The following LRFN5 variants were observed in gnomAD, a reference collection of about 807,000 sequenced individuals.
LRFN5 encodes the protein leucine-rich repeat and fibronectin type-III domain-containing protein 5.
In LRFN5, 24 loss-of-function variants were observed where a neutral mutation model predicts 45.6. The observed-to-expected ratio is 0.53, with a 90% confidence interval of 0.38 to 0.74. The LOEUF is 0.74. LRFN5 is among the 30% of genes least tolerant of loss of function. The pLI is 0.00. For missense variants in LRFN5, 776 were observed against 861.5 expected (o/e 0.90, Z 1.24); for synonymous variants, 340 against 313.8 (o/e 1.08, Z -0.88).
At position 41,716,431 on chromosome 14, in the gene LRFN5, T is replaced by C. The variant is rs138834038; in HGVS notation, c.-196-50423T>C. 9.8e-3 allele frequency among the ~76,000 whole-genome samples: 1,499 copies of C among 152,298 alleles called. 8 individuals are homozygous for C. Among genetic ancestry groups the C allele is most frequent in the East Asian group, 0.015 (79 of 5,178 alleles). On this transcript the variant is annotated intron_variant, in intron 1 of 5. Transcript: ENST00000298119. ...CCTTTAACAGCACACAAGTCACCTC[T>C]TCAGTGCTTTGCTGCTTAGAAATTT...
rs948663011 is a variant in LRFN5, at chr14:41,607,016, C to G, written c.-1743C>G. Among the ~76,000 whole-genome samples, 1 of 152,104 alleles carries G rather than the reference C, an allele frequency of 6.6e-6. No individual in the cohort carries two copies. The highest frequency in any genetic ancestry group is 2.4e-5 in the African/African-American group (1 of 41,444). ...CGGCCGCAGCCCCGGACCTCGGCTG[C>G]TTGCCTCGCGCCTGAACTGCGGACT... On this transcript the variant is annotated 5_prime_UTR_variant, in exon 1 of 6. Coordinates refer to ENST00000298119, the MANE Select transcript of LRFN5 (RefSeq NM_152447.5).
At chr14:41,848,231 A>C (rs569377101) in intron 2 of LRFN5, among the ~76,000 whole-genome samples, 1 of 152,102 alleles carries the variant, frequency 6.6e-6, no homozygotes, top group Non-Finnish European at 1.5e-5. Flanking sequence ...AATAAATAAT[A>C]ATAATAAAAA....
At chr14:41,674,804 G>A (rs1881516021) in intron 1 of LRFN5, among the ~76,000 whole-genome samples, 3 of 151,644 alleles carry the variant, frequency 2.0e-5, no homozygotes, top group Non-Finnish European at 4.4e-5. Flanking sequence ...TCACTTCTCA[G>A]AGGGGGCGGC....
intron 1 of LRFN5, among the ~76,000 whole-genome samples, chr14:41,610,502 C>T (rs903298989): frequency 6.6e-6 from 1 of 151,618 alleles, no homozygotes; most frequent in African/African-American, 2.4e-5. Context: ...TAACCTCCCT[C>T]TCCCACCTGG....
At chr14:41,703,317 C>CT (rs550492985) in intron 1 of LRFN5, among the ~76,000 whole-genome samples, 26 of 151,924 alleles carry the variant, frequency 1.7e-4, no homozygotes, top group South Asian at 8.3e-4. Flanking sequence ...TCAAAAATAG[C>CT]TTTTTTTTCT....
At chr14:41,659,753 G>C (rs141591015) in intron 1 of LRFN5, among the ~76,000 whole-genome samples, 10 of 152,032 alleles carry the variant, frequency 6.6e-5, no homozygotes, top group African/African-American at 2.2e-4. Flanking sequence ...TCTAACTGGC[G>C]TGAGATGATA....
intron 2 of LRFN5, among the ~76,000 whole-genome samples, chr14:41,811,102 G>A (rs995632906): frequency 6.6e-6 from 1 of 151,992 alleles, no homozygotes; most frequent in Non-Finnish European, 1.5e-5. Flanking sequence ...ATTTTAAAAG[G>A]TGCAAATAAT....
chr14:41,775,933 T>A (rs1368527838), intron 2 of LRFN5, among the ~76,000 whole-genome samples: 1 of 152,246 alleles, frequency 6.6e-6, no homozygotes, highest in African/African-American at 2.4e-5. Flanking sequence ...TGGTTCTAAA[T>A]GTAACAGCTA....
chr14:41,737,909 A>G (rs190718601), intron 1 of LRFN5, among the ~76,000 whole-genome samples: 3 of 152,324 alleles, frequency 2.0e-5, no homozygotes, highest in African/African-American at 2.4e-5. Context: ...ATATCATGTA[A>G]ATGGTCATAC....
At chr14:41,635,079 C>T (rs1879239197) in intron 1 of LRFN5, among the ~76,000 whole-genome samples, 1 of 151,858 alleles carries the variant, frequency 6.6e-6, no homozygotes, top group South Asian at 2.1e-4. Context: ...AAGTTGCTCT[C>T]AAATAACAAT....
At chr14:41,626,445 C>T (rs572132148) in intron 1 of LRFN5, among the ~76,000 whole-genome samples, 1 of 151,960 alleles carries the variant, frequency 6.6e-6, no homozygotes, top group Non-Finnish European at 1.5e-5. Flanking sequence ...GTGGGAAATA[C>T]CAAAAATACT....
At chr14:41,646,980 T>C (rs978138064) in intron 1 of LRFN5, among the ~76,000 whole-genome samples, 2 of 152,232 alleles carry the variant, frequency 1.3e-5, no homozygotes, top group African/African-American at 4.8e-5. Context: ...GAGAGTCCTT[T>C]TGTTTTCCAG....
rs189740466 is a variant in LRFN5 at position 41,627,896 on chromosome 14, C to T, written c.-197+19334C>T. ...CTTGAAATTGTATACATTTTTTTTT[C>T]TCTTGAGAAACAATGAAATGTACTT... On this transcript the variant is annotated intron_variant, in intron 1 of 5. Transcript: ENST00000298119. 8.7e-3 allele frequency among the ~76,000 whole-genome samples: 1,317 copies of T among 151,152 alleles called. 10 individuals carry two copies. The highest frequency in any genetic ancestry group is 0.014 in the Non-Finnish European group (963 of 67,706).
chr14:41,758,579 C>T (rs1885513475), intron 1 of LRFN5, among the ~76,000 whole-genome samples: 2 of 152,090 alleles, frequency 1.3e-5, no homozygotes, highest in Non-Finnish European at 2.9e-5. Flanking sequence ...TTCTTATGTC[C>T]TTTCTTAAGT....
In LRFN5 at chr14:41,854,489, A is replaced by G. The variant is rs750357621; in HGVS notation, c.-20-32117A>G. Among the ~76,000 whole-genome samples the G allele has an allele frequency of 7.9e-4, 120 of 152,124 alleles. 1 individual carries two copies. Among genetic ancestry groups the G allele is most frequent in the Non-Finnish European group, 2.4e-4 (16 of 68,024 alleles). ...ACAGACCTGCACATTGTGCACATGT[A>G]CCCTAGAACTTAAAAAAAGAAAAGA... On this transcript the variant is annotated intron_variant, in intron 2 of 5. Transcript: ENST00000298119.
At chr14:41,855,472 A>G (rs902146798) in intron 2 of LRFN5, among the ~76,000 whole-genome samples, 2 of 152,098 alleles carry the variant, frequency 1.3e-5, no homozygotes, top group Admixed American at 6.5e-5. Flanking sequence ...TCCTTCTATT[A>G]TCTTTTCTAT....
At chr14:41,730,849 T>C (rs946765074) in intron 1 of LRFN5, among the ~76,000 whole-genome samples, 2 of 151,926 alleles carry the variant, frequency 1.3e-5, no homozygotes, top group Admixed American at 1.3e-4. Context: ...ATAGAGAATT[T>C]GAAGTTGCCT....
At chr14:41,799,986 A>T (rs1333623115) in intron 2 of LRFN5, among the ~76,000 whole-genome samples, 1 of 152,030 alleles carries the variant, frequency 6.6e-6, no homozygotes, top group African/African-American at 2.4e-5. Flanking sequence ...CAGGGAAGGG[A>T]AGGAAAAATT....
At chr14:41,716,394 T>C (rs953712202) in intron 1 of LRFN5, among the ~76,000 whole-genome samples, 1 of 152,222 alleles carries the variant, frequency 6.6e-6, no homozygotes. Flanking sequence ...GCTTCCCCTG[T>C]AAAACTGACT....
Sources: allele counts gnomAD v4.1 joint callset (sites outside exome capture counted in the v4.1 genomes callset), GRCh38; gene constraint gnomAD v4.1.1; transcripts MANE v1.5; gene names NCBI Gene and HGNC (gene_info 2026-07-23, HGNC 2026-07-21).